ATP11C: variants seen among roughly 807,000 people sequenced by gnomAD.
ATP11C encodes ATPase phospholipid transporting 11C (ATP11C blood group).
Under a neutral mutation model 97.4 loss-of-function variants are expected in ATP11C, and 36 were observed. That is an observed-to-expected ratio of 0.37 (90% confidence interval 0.28 to 0.49). ATP11C has a LOEUF of 0.49. Ranked by LOEUF, ATP11C falls within the 20% of genes least tolerant of loss-of-function variation. The pLI, the probability that ATP11C is intolerant of heterozygous loss-of-function variation, is 0.98. For synonymous variants in ATP11C, 275 were observed against 290.9 expected (o/e 0.95, Z 0.56); for missense variants, 730 against 824.6 (o/e 0.89, Z 1.40).
chrX:139,796,423 G>A lies in ATP11C; in HGVS notation c.1056C>T (p.Asn352=). 7.5e-6 allele frequency: 9 copies of A among 1,203,493 alleles called. No homozygotes were observed. The highest frequency in any genetic ancestry group is 1.0e-5 in the Non-Finnish European group (9 of 889,344). ...CGTACATGGAGACAGGAATGATAAA[G>A]TTGAATAGAACCATAAATGATAGGA... is the stretch of plus-strand genomic sequence containing the variant. The part of the protein sequence containing the change: ...TDFLSFMVLF[N]FIIPVSMYVT... Residue 352 remains asparagine, a synonymous_variant, in exon 12 of 30, where the codon AAC becomes AAT. Transcript: ENST00000682941.
chrX:139,850,277 G>A (rs1197202066), intron 1 of ATP11C, among the ~76,000 whole-genome samples: 1 of 111,369 alleles, frequency 9.0e-6, no homozygotes, highest in African/African-American at 3.3e-5. Flanking sequence ...GTGCTATGGG[G>A]AAAGTCTGAG....
chrX:139,843,011 G>A (rs752623781), intron 1 of ATP11C, among the ~76,000 whole-genome samples: 1 of 112,148 alleles, frequency 8.9e-6, no homozygotes, highest in South Asian at 3.7e-4. Context: ...CCCAACTGCT[G>A]TTCTCTTGGA....
At chrX:139,788,392 C>T (rs748703227) in intron 13 of ATP11C, 49 bp from the exon 14 acceptor site, 24 of 1,068,107 alleles carry the variant, frequency 2.2e-5, no homozygotes, top group South Asian at 1.0e-4. Context: ...TTTGATCACC[C>T]GGTAACTAGG....
chrX:139,786,318 C>T (rs1313632368), intron 15 of ATP11C, among the ~76,000 whole-genome samples: 3 of 111,353 alleles, frequency 2.7e-5, no homozygotes, highest in African/African-American at 9.8e-5. Flanking sequence ...GTGAGGGGGT[C>T]ATTAGTCTTG....
intron 1 of ATP11C, among the ~76,000 whole-genome samples, chrX:139,870,065 A>C (rs779713606): frequency 9.0e-6 from 1 of 111,256 alleles, no homozygotes; most frequent in Non-Finnish European, 1.9e-5. Context: ...ATATGTTCTT[A>C]CAACAACAAA....
chrX:139,770,536 T>TTCA (rs1335260838), intron 19 of ATP11C, among the ~76,000 whole-genome samples: 1 of 111,362 alleles, frequency 9.0e-6, no homozygotes. Flanking sequence ...TTAAAGATCA[T>TTCA]TCATCTGGCA....
At position 139,727,146 on chromosome X, in the gene ATP11C, C is replaced by G. The variant is rs1029876843; in HGVS notation, c.*1820G>C. 8.9e-6 allele frequency: 1 copy of G among 112,121 alleles called. No homozygotes were observed. The highest frequency in any genetic ancestry group is 1.9e-5 in the Non-Finnish European group (1 of 53,125). 9.2% of individuals were successfully genotyped at this position (112,121 alleles called of 1,213,427 possible). A position where few individuals can be genotyped will look rare whatever the true frequency, so the allele number is the denominator to read the frequency against. ...CTCCAATGGTACTGCATTAAACAAG[C>G]CTCTCTACTGTGGCTCTCTTGTCTG... On this transcript the variant is annotated 3_prime_UTR_variant, in exon 30 of 30. Transcript: ENST00000682941.
At chrX:139,806,756 A>C (rs202204239) in intron 5 of ATP11C, among the ~76,000 whole-genome samples, 1 of 111,617 alleles carries the variant, frequency 9.0e-6, no homozygotes, top group African/African-American at 3.3e-5. Context: ...TGGCACGGGC[A>C]TACAGGTGGT....
At chrX:139,771,307 G>A (rs2082250551) in intron 19 of ATP11C, among the ~76,000 whole-genome samples, 1 of 111,264 alleles carries the variant, frequency 9.0e-6, no homozygotes, top group African/African-American at 3.3e-5. Flanking sequence ...TGATTCTGAG[G>A]CCTCCCCAGC....
At chrX:139,838,284 TGA>T (rs978591506) in intron 1 of ATP11C, among the ~76,000 whole-genome samples, 16 of 112,025 alleles carry the variant, frequency 1.4e-4, no homozygotes, top group Non-Finnish European at 7.5e-5. Context: ...AATATACCTT[TGA>T]GTTTTACTTC....
chrX:139,808,994 C>A (rs2083106372), intron 5 of ATP11C, among the ~76,000 whole-genome samples: 1 of 109,817 alleles, frequency 9.1e-6, no homozygotes, highest in Non-Finnish European at 1.9e-5. Flanking sequence ...ATGCCTGTAA[C>A]CCCAGCTACT....
At chrX:139,744,069 CTGATT>C (rs2081627569) in intron 25 of ATP11C, among the ~76,000 whole-genome samples, 1 of 110,560 alleles carries the variant, frequency 9.0e-6, no homozygotes, top group Non-Finnish European at 1.9e-5. Flanking sequence ...TTAAATGAGT[CTGATT>C]TTTTTGGCTG....
At chrX:139,804,642 A>C in intron 5 of ATP11C, 43 bp from the exon 6 acceptor site, 4 of 1,085,336 alleles carry the variant, frequency 3.7e-6, no homozygotes, top group Non-Finnish European at 3.7e-6. Flanking sequence ...ATTCCAAACA[A>C]AGCATTCATT....
At chrX:139,798,583 T>C in intron 9 of ATP11C, 96 bp downstream of exon 9, 1 of 732,151 alleles carries the variant, frequency 1.4e-6, no homozygotes, top group Non-Finnish European at 2.0e-6. Flanking sequence ...TTAAATTAAA[T>C]GGCAAACCTG....
Position 139,743,552 on chromosome X carries a change from A to G in ATP11C, c.3030+7T>C. 1 of 1,135,946 alleles carries G rather than the reference A, an allele frequency of 8.8e-7. No individual in the cohort carries two copies. The highest frequency in any genetic ancestry group is 1.2e-6 in the Non-Finnish European group (1 of 842,501). The allele number at this position is 1,135,946 out of a possible 1,213,427, so 93.6% of individuals were successfully genotyped here. A position where few individuals can be genotyped will look rare whatever the true frequency, so the allele number is the denominator to read the frequency against. On this transcript the variant is annotated splice_region_variant and intron_variant, in intron 26 of 29. Coordinates refer to ENST00000682941, the MANE Select transcript of ATP11C (RefSeq NM_001353812.2). The stretch of plus-strand genomic sequence containing the variant: ...TTAAAAAATACATGAATAAGTAAAA[A>G]TCTAACCTTCAGGGTTACAGTGAAT...
chrX:139,874,654 GAGA>G (rs1429902326), intron 1 of ATP11C, among the ~76,000 whole-genome samples: 1 of 111,734 alleles, frequency 8.9e-6, no homozygotes, highest in Non-Finnish European at 1.9e-5. Flanking sequence ...AGGTGCTTCT[GAGA>G]AGGTCTGCAG....
chrX:139,752,692 T>C (rs1372632003), intron 23 of ATP11C, among the ~76,000 whole-genome samples: 1 of 112,262 alleles, frequency 8.9e-6, no homozygotes, highest in Non-Finnish European at 1.9e-5. Flanking sequence ...ATTTCAAATA[T>C]ACTTTTAATA....
At chrX:139,935,075 GA>G (rs1421536879), upstream of ATP11C, among the ~76,000 whole-genome samples, 1 of 112,059 alleles carries the variant, frequency 8.9e-6, no homozygotes, top group Non-Finnish European at 1.9e-5. Context: ...GCTTGCTAGT[GA>G]ATAGTAAATA....
At chrX:139,842,285 G>A (rs998842471) in intron 1 of ATP11C, among the ~76,000 whole-genome samples, 2 of 112,372 alleles carry the variant, frequency 1.8e-5, no homozygotes, top group African/African-American at 6.5e-5. Flanking sequence ...GCCCACCTCA[G>A]CCTCCCAAAG....
Sources: gnomAD v4.1 joint callset for allele counts (sites outside exome capture counted in the v4.1 genomes callset) on GRCh38, gnomAD v4.1.1 for gene constraint, MANE v1.5 for transcripts, NCBI Gene and HGNC (gene_info 2026-07-23, HGNC 2026-07-21) for gene names.